Variants in ME3 observed in about 807,000 individuals in gnomAD.
ME3 encodes NADP-dependent malic enzyme, mitochondrial.
A neutral mutation model predicts 68.9 loss-of-function variants in ME3; 48 were observed. That is an observed-to-expected ratio of 0.70 (90% CI 0.55 to 0.89). ME3 has a LOEUF of 0.89. Among genes scored for constraint, ME3 ranks in the 40% least tolerant of loss-of-function variants. ME3 has a pLI of 0.00. For synonymous variants in ME3, 320 were observed against 318.8 expected, an observed-to-expected ratio of 1.00 and a Z score of -0.04; for missense variants, 675 against 797.4, an observed-to-expected ratio of 0.85 and a Z score of 1.85.
At chr11:86,669,790 T>C (rs760017099) in intron 2 of ME3, among the ~76,000 whole-genome samples, 1 of 152,156 alleles carries the variant, frequency 6.6e-6, no homozygotes, top group Non-Finnish European at 1.5e-5. Flanking sequence ...GCAAGAATGA[T>C]TTCAGGGGAC....
intron 2 of ME3, among the ~76,000 whole-genome samples, chr11:86,638,493 A>G (rs1333443461): frequency 6.6e-6 from 1 of 152,238 alleles, no homozygotes; most frequent in Non-Finnish European, 1.5e-5. Context: ...TCTTTGTTAA[A>G]ATAAAAGCTT....
chr11:86,448,014 C>G (rs1949419495), intron 11 of ME3, 136 bp downstream of exon 11: 1 of 627,444 alleles, frequency 1.6e-6, no homozygotes, highest in African/African-American at 1.8e-5. Flanking sequence ...AAGTTTGTGG[C>G]ATTGAATTGC....
At chr11:86,592,500 A>C (rs983135425) in intron 2 of ME3, among the ~76,000 whole-genome samples, 2 of 152,210 alleles carry the variant, frequency 1.3e-5, no homozygotes, top group Non-Finnish European at 2.9e-5. Context: ...AGCCACAGTG[A>C]CTTCATTACT....
intron 2 of ME3, among the ~76,000 whole-genome samples, chr11:86,658,480 C>T (rs758600192): frequency 1.3e-5 from 2 of 151,852 alleles, no homozygotes; most frequent in Non-Finnish European, 2.9e-5. Flanking sequence ...GAGTAACTGG[C>T]ACAGTAGGCA....
intron 2 of ME3, among the ~76,000 whole-genome samples, chr11:86,565,760 G>A (rs1957449972): frequency 6.6e-6 from 1 of 152,156 alleles, no homozygotes; most frequent in Admixed American, 6.5e-5. Context: ...CCTAGTCTGT[G>A]GCTTGTCTTT....
intron 2 of ME3, among the ~76,000 whole-genome samples, chr11:86,649,203 A>C (rs993203878): frequency 2.0e-5 from 3 of 152,232 alleles, no homozygotes; most frequent in Non-Finnish European, 4.4e-5. Flanking sequence ...AAACAGAACC[A>C]AAGACAAAAA....
intron 2 of ME3, among the ~76,000 whole-genome samples, chr11:86,600,598 G>A (rs865936945): frequency 4.9e-4 from 74 of 151,018 alleles, no homozygotes; most frequent in Middle Eastern, 3.4e-3. Context: ...TGCACCAAGC[G>A]GACCTAATAG....
intron 4 of ME3, among the ~76,000 whole-genome samples, chr11:86,539,900 G>C (rs1436661118): frequency 1.3e-5 from 2 of 152,154 alleles, no homozygotes; most frequent in Non-Finnish European, 2.9e-5. Context: ...GATAGCTGAT[G>C]AGCTTTAAAA....
intron 7 of ME3, among the ~76,000 whole-genome samples, chr11:86,470,196 A>G (rs1222604321): frequency 6.6e-6 from 1 of 152,172 alleles, no homozygotes; most frequent in Non-Finnish European, 1.5e-5. Flanking sequence ...CTGAACAAAC[A>G]TGAGGGACTG....
intron 4 of ME3, among the ~76,000 whole-genome samples, chr11:86,544,580 A>G (rs779269512): frequency 6.6e-5 from 10 of 152,200 alleles, no homozygotes; most frequent in Non-Finnish European, 8.8e-5. Flanking sequence ...TCTTGAACAC[A>G]TACACCCTCC....
At chr11:86,520,976 C>T (rs771244163) in intron 4 of ME3, among the ~76,000 whole-genome samples, 4 of 152,178 alleles carry the variant, frequency 2.6e-5, no homozygotes, top group East Asian at 1.9e-4. Context: ...TACCAAGGCA[C>T]GCAGTTATCT....
chr11:86,637,277 C>T (rs938359237), intron 2 of ME3, among the ~76,000 whole-genome samples: 3 of 145,454 alleles, frequency 2.1e-5, no homozygotes, highest in African/African-American at 7.7e-5. Flanking sequence ...ACTGACAGAA[C>T]AATCACGGTC....
chr11:86,648,848 G>C lies in ME3; in HGVS notation c.183+22914C>G, dbSNP rs143699256. On this transcript the variant is annotated intron_variant, in intron 2 of 14. Transcript: ENST00000543262. Reference sequence around the variant, plus strand: ...AATTAATAGCCTACCAACCAAAAAAGCCCAGGACCAGGCGGATTCACAGCC... The same window carrying C: ...AATTAATAGCCTACCAACCAAAAAACCCCAGGACCAGGCGGATTCACAGCC... Among the ~76,000 whole-genome samples the C allele has an allele frequency of 5.6e-3, 850 of 152,162 alleles. 6 individuals are homozygous for C. The highest frequency in any genetic ancestry group is 0.019 in the African/African-American group (809 of 41,496).
chr11:86,607,452 GTTTTTTT>G (rs146485846), intron 2 of ME3, among the ~76,000 whole-genome samples: 1 of 133,544 alleles, frequency 7.5e-6, no homozygotes, highest in African/African-American at 2.8e-5. Context: ...GAGAGGCATA[GTTTTTTT>G]TTTTTTTTTT....
chr11:86,599,362 T>C (rs954907277), intron 2 of ME3, among the ~76,000 whole-genome samples: 8 of 151,890 alleles, frequency 5.3e-5, no homozygotes, highest in African/African-American at 1.9e-4. Flanking sequence ...TGATGGAAGA[T>C]GAAATGAATG....
intron 4 of ME3, among the ~76,000 whole-genome samples, chr11:86,520,611 G>C (rs75493698): frequency 0.092 from 13,935 of 152,152 alleles, 931 homozygotes; most frequent in African/African-American, 0.19. Flanking sequence ...CCTTGGCCCT[G>C]CCCTTTCTCT....
intron 2 of ME3, among the ~76,000 whole-genome samples, chr11:86,561,938 T>A (rs1403255049): frequency 2.0e-5 from 3 of 152,236 alleles, no homozygotes; most frequent in Admixed American, 1.3e-4. Context: ...TTTAAAAATC[T>A]GGACACATTA....
intron 2 of ME3, among the ~76,000 whole-genome samples, chr11:86,602,791 C>T (rs182682608): frequency 1.3e-3 from 191 of 152,176 alleles, no homozygotes; most frequent in African/African-American, 4.0e-3. Flanking sequence ...TCAGAAATAA[C>T]GCCACATATC....
At chr11:86,626,719 A>C (rs952656294) in intron 2 of ME3, among the ~76,000 whole-genome samples, 1 of 152,254 alleles carries the variant, frequency 6.6e-6, no homozygotes, top group Non-Finnish European at 1.5e-5. Context: ...AACAAGCTTT[A>C]TAAAGGTAAA....
Sources: gnomAD v4.1 joint callset for allele counts (sites outside exome capture counted in the v4.1 genomes callset) on GRCh38, gnomAD v4.1.1 for gene constraint, MANE v1.5 for transcripts, NCBI Gene and HGNC (gene_info 2026-07-23, HGNC 2026-07-21) for gene names.